Variants in ARMC3 observed in about 807,000 individuals in gnomAD.
The protein encoded by ARMC3 is armadillo repeat containing 3.
In ARMC3, 74 loss-of-function variants were observed where a neutral mutation model predicts 90.3. That is an observed-to-expected ratio of 0.82 (90% CI 0.68 to 0.99). The LOEUF (loss-of-function observed/expected upper bound fraction) is 0.99, where lower values mean the gene tolerates loss of function less well. Among genes scored for constraint, ARMC3 ranks in the 50% least tolerant of loss-of-function variants. The pLI is 0.00. For synonymous variants in ARMC3, 334 were observed against 361.8 expected, an observed-to-expected ratio of 0.92 and a Z score of 0.87; for missense variants, 958 against 1,042.8, an observed-to-expected ratio of 0.92 and a Z score of 1.12.
intron 3 of ARMC3, 53 bp from the exon 4 acceptor site, chr10:22,955,754 G>A: frequency 3.7e-6 from 6 of 1,604,768 alleles, no homozygotes; most frequent in Non-Finnish European, 5.1e-6. Context: ...AAGGCAGAAT[G>A]CTGATGAGAT....
intron 7 of ARMC3, among the ~76,000 whole-genome samples, chr10:22,966,071 G>C (rs1564359067): frequency 6.6e-6 from 1 of 152,212 alleles, no homozygotes; most frequent in Non-Finnish European, 1.5e-5. Context: ...ATTCTGTTGT[G>C]TCCTTCTGAG....
At chr10:22,977,529 T>C (rs956440403) in intron 8 of ARMC3, among the ~76,000 whole-genome samples, 2 of 152,258 alleles carry the variant, frequency 1.3e-5, no homozygotes, top group Non-Finnish European at 2.9e-5. Flanking sequence ...TCCTTCACCA[T>C]GGTCTTGCAG....
chr10:22,984,561 T>A (rs72812458), intron 10 of ARMC3, among the ~76,000 whole-genome samples: 10,398 of 152,212 alleles, frequency 0.068, 531 homozygotes, highest in Non-Finnish European at 0.099. Context: ...TTTTCACACA[T>A]CTTGCTTTCT....
chr10:22,940,589 G>A (rs901232843), intron 2 of ARMC3, among the ~76,000 whole-genome samples: 9 of 152,054 alleles, frequency 5.9e-5, no homozygotes, highest in East Asian at 1.9e-4. Flanking sequence ...CTGGTCAAGC[G>A]ATCCTCCCAC....
chr10:22,930,009 T>C (rs184736920), intron 1 of ARMC3, among the ~76,000 whole-genome samples: 1 of 152,230 alleles, frequency 6.6e-6, no homozygotes, highest in Non-Finnish European at 1.5e-5. Context: ...GAAAATCAGA[T>C]GATTTAAAAC....
At chr10:23,019,805 A>C (rs550045201) in intron 16 of ARMC3, among the ~76,000 whole-genome samples, 1 of 152,192 alleles carries the variant, frequency 6.6e-6, no homozygotes, top group South Asian at 2.1e-4. Flanking sequence ...TCTGCCTCCC[A>C]AAGTGCTGGG....
At chr10:23,029,551 G>A (rs756403565) in intron 16 of ARMC3, among the ~76,000 whole-genome samples, 50 of 152,170 alleles carry the variant, frequency 3.3e-4, no homozygotes, top group Admixed American at 1.1e-3. Context: ...AACCATTGAG[G>A]TGGAAGGTAT....
intron 10 of ARMC3, among the ~76,000 whole-genome samples, chr10:22,982,608 GGTCTGTCAGACTCCAAA>G (rs1836243604): frequency 6.6e-6 from 1 of 152,200 alleles, no homozygotes; most frequent in African/African-American, 2.4e-5. Context: ...AATCGATGCA[GGTCTGTCAGACTCCAAA>G]GTCTGTGTTC....
chr10:23,007,499 G>A (rs962343559), intron 14 of ARMC3, among the ~76,000 whole-genome samples: 1 of 152,096 alleles, frequency 6.6e-6, no homozygotes, highest in Non-Finnish European at 1.5e-5. Flanking sequence ...GAGGTCAAGA[G>A]ATCGAGGCCA....
intron 3 of ARMC3, among the ~76,000 whole-genome samples, chr10:22,954,372 A>G (rs942483538): frequency 8.5e-5 from 13 of 152,178 alleles, no homozygotes; most frequent in Admixed American, 7.9e-4. Context: ...TTTATAGAAA[A>G]ATGAGGCCAG....
intron 4 of ARMC3, 101 bp downstream of exon 4, chr10:22,956,033 T>A: frequency 8.8e-7 from 1 of 1,140,354 alleles, no homozygotes; most frequent in Non-Finnish European, 1.2e-6. Context: ...TTATTTAAAC[T>A]GACTTTCATG....
chr10:23,006,817 T>C lies in ARMC3; in HGVS notation c.1732-67T>C, dbSNP rs563759683. 221 of 1,244,580 alleles carry C rather than the reference T, an allele frequency of 1.8e-4. No homozygotes were observed. The Middle Eastern group carries it at 4.3e-3, about 24-fold the overall frequency. 77.1% of individuals were successfully genotyped at this position (1,244,580 alleles called of 1,614,324 possible). A position where few individuals can be genotyped will look rare whatever the true frequency, so the allele number is the denominator to read the frequency against. On this transcript the variant is annotated intron_variant, in intron 13 of 18. Transcript: ENST00000298032. The stretch of plus-strand genomic sequence containing the variant: ...CGCAAACAGCTGAGAATATATTCTA[T>C]CTGTATTCATTTTCGAAAATATGAC...
At chr10:22,998,125 TC>T in intron 10 of ARMC3, 22 bp from the exon 11 acceptor site, 1 of 1,607,992 alleles carries the variant, frequency 6.2e-7, no homozygotes, top group South Asian at 1.1e-5. Context: ...TGAATCACAT[TC>T]ATTTCTCTTT....
intron 8 of ARMC3, among the ~76,000 whole-genome samples, chr10:22,975,565 C>CA (rs1835885034): frequency 6.6e-6 from 1 of 151,714 alleles, no homozygotes; most frequent in African/African-American, 2.4e-5. Flanking sequence ...AAGTCCATCT[C>CA]AAAAAAACAA....
chr10:23,017,440 G>C (rs1040019420), intron 16 of ARMC3, among the ~76,000 whole-genome samples: 18 of 152,132 alleles, frequency 1.2e-4, no homozygotes, highest in Admixed American at 9.2e-4. Context: ...TTTACTGCTA[G>C]TGTAACAGAT....
chr10:23,032,864 T>C lies in ARMC3; in HGVS notation c.2250T>C (p.Tyr750=), dbSNP rs1226584554. 3 of 1,611,544 alleles carry C rather than the reference T, an allele frequency of 1.9e-6. No homozygotes were observed. Among genetic ancestry groups the C allele is most frequent in the South Asian group, 2.2e-5 (2 of 90,898 alleles). Residue 750 remains tyrosine, a synonymous_variant, in exon 18 of 19, where the codon TAT becomes TAC. Coordinates refer to ENST00000298032, the MANE Select transcript of ARMC3 (RefSeq NM_173081.5). Reference sequence around the variant, plus strand: ...GATCTCAATGTAATTGACACAGGTATGTAGCAGAAAAAATGGGTGGTAAGA... The same window carrying C: ...GATCTCAATGTAATTGACACAGGTACGTAGCAGAAAAAATGGGTGGTAAGA... ...IKEQIEDLAK[Y]VAEKMGGKIP...
At chr10:23,014,401 CT>C (rs2131513015) in intron 16 of ARMC3, 1 of 1,183,258 alleles carries the variant, frequency 8.5e-7, no homozygotes, top group Admixed American at 3.7e-5. Flanking sequence ...TGTTGCCTGT[CT>C]TTTGGTCAAC....
chr10:23,007,292 G>A (rs143349290), intron 14 of ARMC3, among the ~76,000 whole-genome samples: 2 of 152,242 alleles, frequency 1.3e-5, no homozygotes, highest in East Asian at 1.9e-4. Context: ...GCAGCAAACC[G>A]AGATGAATCA....
intron 7 of ARMC3, among the ~76,000 whole-genome samples, chr10:22,966,848 G>A (rs1488279975): frequency 6.6e-6 from 1 of 152,108 alleles, no homozygotes; most frequent in Non-Finnish European, 1.5e-5. Flanking sequence ...GAACAGCACG[G>A]GGGAACTGCC....
Sources: gnomAD v4.1 joint callset for allele counts (sites outside exome capture counted in the v4.1 genomes callset) on GRCh38, gnomAD v4.1.1 for gene constraint, MANE v1.5 for transcripts, NCBI Gene and HGNC (gene_info 2026-07-23, HGNC 2026-07-21) for gene names.